ENAH: variants seen among roughly 807,000 people sequenced by gnomAD.
ENAH encodes the protein protein enabled homolog.
A neutral mutation model predicts 78.7 loss-of-function variants in ENAH; 23 were observed. The observed-to-expected ratio is 0.29, with a 90% CI of 0.21 to 0.41. The LOEUF is 0.41. ENAH is among the 10% of genes least tolerant of loss of function. The probability of loss-of-function intolerance (pLI) is 1.00; values close to 1 mark genes in which losing one functional copy is unlikely to be tolerated. For synonymous variants in ENAH, 226 were observed against 241.0 expected, an observed-to-expected ratio of 0.94 and a Z score of 0.58; for missense variants, 544 against 691.0, an observed-to-expected ratio of 0.79 and a Z score of 2.39.
intron 1 of ENAH, among the ~76,000 whole-genome samples, chr1:225,591,592 C>T (rs962746327): frequency 2.0e-5 from 3 of 151,442 alleles, no homozygotes; most frequent in Non-Finnish European, 4.4e-5. Flanking sequence ...TGGTGAAACC[C>T]TGTCTCTACT....
intron 7 of ENAH, among the ~76,000 whole-genome samples, chr1:225,514,102 A>G (rs191238500): frequency 2.6e-5 from 4 of 152,386 alleles, no homozygotes; most frequent in Admixed American, 2.6e-4. Context: ...ATGAATTTAT[A>G]GAAATTATTT....
intron 1 of ENAH, among the ~76,000 whole-genome samples, chr1:225,640,232 AACACTT>A (rs1660795006): frequency 6.6e-6 from 1 of 152,216 alleles, no homozygotes; most frequent in African/African-American, 2.4e-5. Flanking sequence ...TTAAGCAACC[AACACTT>A]GATTCATTCT....
At chr1:225,591,719 C>G (rs1287680087) in intron 1 of ENAH, among the ~76,000 whole-genome samples, 5 of 132,842 alleles carry the variant, frequency 3.8e-5, no homozygotes, top group Non-Finnish European at 6.2e-5. Flanking sequence ...GAGCCGAGAT[C>G]GCGTCACTGC....
intron 1 of ENAH, among the ~76,000 whole-genome samples, chr1:225,597,655 CAA>C (rs565567062): frequency 0.11 from 6,839 of 60,828 alleles, 439 homozygotes; most frequent in African/African-American, 0.3. Context: ...AAGAGCATCT[CAA>C]AAAAAAAAAA....
chr1:225,651,968 G>T lies in ENAH; in HGVS notation c.5+718C>A, dbSNP rs902275055. Among the ~76,000 whole-genome samples, 26 of 152,282 alleles carry T rather than the reference G, an allele frequency of 1.7e-4. 1 individual carries two copies. The highest frequency in any genetic ancestry group is 5.8e-4 in the African/African-American group (24 of 41,546). On this transcript the variant is annotated intron_variant, in intron 1 of 13. Coordinates refer to ENST00000366843, the MANE Select transcript of ENAH (RefSeq NM_018212.6). ...AATAATTTAGCTCCTGTTTTATTGA[G>T]TACAGAGCAAAGGGAAAAAGCAGCT...
At chr1:225,524,652 G>A (rs976623606) in intron 4 of ENAH, 2 of 985,172 alleles carry the variant, frequency 2.0e-6, no homozygotes, top group Non-Finnish European at 2.4e-6. Flanking sequence ...CAATAGGAGG[G>A]CTATACACTC....
intron 1 of ENAH, among the ~76,000 whole-genome samples, chr1:225,615,146 G>C (rs2097018657): frequency 6.6e-6 from 1 of 152,130 alleles, no homozygotes. Context: ...CTCCCTGCCT[G>C]ATTCTCCTGC....
intron 1 of ENAH, among the ~76,000 whole-genome samples, chr1:225,577,350 G>A (rs540638255): frequency 5.3e-5 from 8 of 152,128 alleles, no homozygotes; most frequent in South Asian, 4.2e-4. Context: ...GTTACAATTC[G>A]GTTCTGCCAC....
chr1:225,518,003 T>C (rs1403387775), intron 5 of ENAH: 47 of 1,530,884 alleles, frequency 3.1e-5, no homozygotes, highest in Non-Finnish European at 3.8e-5. Context: ...GGACAGAAGG[T>C]GGAAAGCAGC....
At chr1:225,642,659 C>T (rs530040841) in intron 1 of ENAH, among the ~76,000 whole-genome samples, 2 of 152,238 alleles carry the variant, frequency 1.3e-5, no homozygotes, top group Non-Finnish European at 2.9e-5. Context: ...AACAGCTTTA[C>T]TAGGCTTTGA....
intron 1 of ENAH, among the ~76,000 whole-genome samples, chr1:225,637,900 G>A (rs1660349725): frequency 6.6e-6 from 1 of 152,100 alleles, no homozygotes; most frequent in Non-Finnish European, 1.5e-5. Flanking sequence ...TTCAGCCTGT[G>A]TAACAGTCAG....
At chr1:225,620,871 G>A (rs1213660345) in intron 1 of ENAH, among the ~76,000 whole-genome samples, 5 of 152,066 alleles carry the variant, frequency 3.3e-5, no homozygotes, top group Non-Finnish European at 7.4e-5. Flanking sequence ...TGGGCATGGT[G>A]GCGGGCGCCT....
chr1:225,544,502 T>C (rs1197002328), intron 3 of ENAH, among the ~76,000 whole-genome samples: 1 of 152,186 alleles, frequency 6.6e-6, no homozygotes, highest in East Asian at 1.9e-4. Flanking sequence ...AGACAGAATA[T>C]AGTGTCTGTA....
At chr1:225,547,402 A>G (rs2096620335) in intron 3 of ENAH, among the ~76,000 whole-genome samples, 1 of 152,170 alleles carries the variant, frequency 6.6e-6, no homozygotes, top group African/African-American at 2.4e-5. Context: ...GAGAATAGGT[A>G]GCCAGAATTC....
At chr1:225,519,143 G>A (rs769981868) in intron 5 of ENAH, 55 bp downstream of exon 5, 8 of 1,585,646 alleles carry the variant, frequency 5.0e-6, no homozygotes, top group South Asian at 2.3e-5. Flanking sequence ...GACTGCACAA[G>A]AGACATCATC....
In ENAH at chr1:225,609,599, G is replaced by T. The variant is rs1219300118; in HGVS notation, c.6-42185C>A. On this transcript the variant is annotated intron_variant, in intron 1 of 13. Coordinates refer to ENST00000366843, the MANE Select transcript of ENAH (RefSeq NM_018212.6). Reference sequence around the variant, plus strand: ...AAATTAAAAACTACCAAAGAAATATGTCAGTTGATAGTGGTTCCTCTTGAG... The same window carrying T: ...AAATTAAAAACTACCAAAGAAATATTTCAGTTGATAGTGGTTCCTCTTGAG... Among the ~76,000 whole-genome samples, 6 of 149,334 alleles carry T rather than the reference G, an allele frequency of 4.0e-5. No homozygotes were observed. In the East Asian group the frequency reaches 1.2e-3, roughly 29 times the overall value.
At chr1:225,499,948 T>C (rs1242558630) in intron 12 of ENAH, among the ~76,000 whole-genome samples, 3 of 152,014 alleles carry the variant, frequency 2.0e-5, no homozygotes, top group Admixed American at 6.5e-5. Context: ...AGTTATTAAA[T>C]AGACTCACAG....
chr1:225,499,234 C>T (rs542547323), intron 12 of ENAH, among the ~76,000 whole-genome samples: 2 of 152,210 alleles, frequency 1.3e-5, no homozygotes, highest in African/African-American at 2.4e-5. Flanking sequence ...CGCCACTGCA[C>T]TCCAGCCTCG....
At chr1:225,620,435 A>G (rs1194860549) in intron 1 of ENAH, among the ~76,000 whole-genome samples, 1 of 151,920 alleles carries the variant, frequency 6.6e-6, no homozygotes, top group African/African-American at 2.4e-5. Flanking sequence ...CTGAGGCAGA[A>G]AAGAAAAATC....
Sources: gnomAD v4.1 joint callset for allele counts (sites outside exome capture counted in the v4.1 genomes callset) on GRCh38, gnomAD v4.1.1 for gene constraint, MANE v1.5 for transcripts, NCBI Gene and HGNC (gene_info 2026-07-23, HGNC 2026-07-21) for gene names.